The following MARCHF6 variants were observed in gnomAD, a reference collection of about 807,000 sequenced individuals.
MARCHF6 encodes the protein membrane associated ring-CH-type finger 6, also known as E3 ubiquitin-protein ligase MARCHF6.
Under a neutral mutation model 133.7 loss-of-function variants are expected in MARCHF6, and 31 were observed. The observed-to-expected ratio is 0.23, with a 90% CI of 0.17 to 0.31. The LOEUF (loss-of-function observed/expected upper bound fraction) is 0.31. MARCHF6 is among the 10% of genes least tolerant of loss of function. The probability of loss-of-function intolerance (pLI) is 1.00; values close to 1 mark genes in which losing one functional copy is unlikely to be tolerated. For missense variants in MARCHF6, 723 were observed against 1,121.6 expected (o/e 0.64, Z 5.08); for synonymous variants, 395 against 402.5 (o/e 0.98, Z 0.22).
intron 19 of MARCHF6, among the ~76,000 whole-genome samples, chr5:10,412,572 A>G (rs543797610): frequency 6.6e-6 from 1 of 151,920 alleles, no homozygotes; most frequent in South Asian, 2.1e-4. Flanking sequence ...CAGATAAGAG[A>G]GTTGTGTTGT....
At chr5:10,415,344 T>C (rs1235635480) in intron 20 of MARCHF6, 144 bp from the exon 21 acceptor site, 1 of 743,194 alleles carries the variant, frequency 1.3e-6, no homozygotes, top group East Asian at 2.6e-5. Context: ...ATTGTGATTT[T>C]TGTCTTTTGT....
intron 1 of MARCHF6, among the ~76,000 whole-genome samples, chr5:10,360,144 G>GTTTTTT (rs1164778520): frequency 6.7e-5 from 5 of 75,116 alleles, no homozygotes; most frequent in Admixed American, 1.8e-4. Flanking sequence ...ATGTGTGTGT[G>GTTTTTT]TTTTTTTTTT....
At chr5:10,402,645 T>C (rs763483461) in intron 14 of MARCHF6, 38 bp downstream of exon 14, 14 of 1,503,040 alleles carry the variant, frequency 9.3e-6, no homozygotes, top group Admixed American at 6.8e-5. Context: ...TAGCATAATT[T>C]AAGGGCTTCA....
chr5:10,389,710 A>G (rs1298215319), intron 5 of MARCHF6, among the ~76,000 whole-genome samples: 1 of 152,180 alleles, frequency 6.6e-6, no homozygotes. Flanking sequence ...CCAAGTGACA[A>G]ACTTCTATAA....
At chr5:10,426,260 C>A (rs1021935627) in intron 23 of MARCHF6, 130 bp from the exon 24 acceptor site, 2 of 1,048,840 alleles carry the variant, frequency 1.9e-6, no homozygotes, top group Non-Finnish European at 2.8e-6. Flanking sequence ...CAGAATTTGC[C>A]TTGACTTTAG....
rs77353977 is a variant in MARCHF6 at position 10,433,884 on chromosome 5, T to A, written c.*200T>A. 1.0e-2 allele frequency: 5,713 copies of A among 572,640 alleles called. 46 individuals carry two copies. The highest frequency in any genetic ancestry group is 0.012 in the Non-Finnish European group (3,796 of 317,958). 35.5% of individuals were successfully genotyped at this position (572,640 alleles called of 1,614,324 possible). A position where few individuals can be genotyped will look rare whatever the true frequency, so the allele number is the denominator to read the frequency against. Reference sequence around the variant, plus strand: ...TTCTGACATTACTGCTGTCTGAGATTTGTATATGTGTAAATACAAGTTCCT... The same window carrying A: ...TTCTGACATTACTGCTGTCTGAGATATGTATATGTGTAAATACAAGTTCCT... On this transcript the variant is annotated 3_prime_UTR_variant, in exon 26 of 26. Coordinates refer to ENST00000274140, the MANE Select transcript of MARCHF6 (RefSeq NM_005885.4).
chr5:10,411,554 C>G lies in MARCHF6; in HGVS notation c.1896+17C>G, dbSNP rs568429722. On this transcript the variant is annotated intron_variant, in intron 19 of 25. Transcript: ENST00000274140. ...CCACTCAGGGTAGGTGCTATACAGA[C>G]TTAATCACATATAGAGGTTTTTTTG... The G allele has an allele frequency of 1.3e-6, 2 of 1,586,920 alleles. No homozygotes were observed. Among genetic ancestry groups the G allele is most frequent in the East Asian group, 2.2e-5 (1 of 44,630 alleles).
chr5:10,353,970 A>G, intron 1 of MARCHF6, 53 bp downstream of exon 1: 1 of 1,517,098 alleles, frequency 6.6e-7, no homozygotes, highest in East Asian at 2.6e-5. Flanking sequence ...CCGGGTTCGT[A>G]CCCCGGCCAG....
chr5:10,373,966 T>C lies in MARCHF6; in HGVS notation c.20-3832T>C, dbSNP rs568317044. Among the ~76,000 whole-genome samples, 4 of 152,166 alleles carry C rather than the reference T, an allele frequency of 2.6e-5. No homozygotes were observed. In the South Asian group the frequency reaches 8.3e-4, roughly 32 times the overall value. On this transcript the variant is annotated intron_variant, in intron 1 of 25. Coordinates refer to ENST00000274140, the MANE Select transcript of MARCHF6 (RefSeq NM_005885.4). ...CTCTGGTGATTCTAGGTAACCTAGA[T>C]CAATCACATTTTCTCCCCACCCCCA... is the stretch of plus-strand genomic sequence containing the variant.
intron 1 of MARCHF6, among the ~76,000 whole-genome samples, chr5:10,371,777 G>A (rs1294957174): frequency 6.6e-6 from 1 of 151,964 alleles, no homozygotes; most frequent in Non-Finnish European, 1.5e-5. Context: ...TTTTCTTTGA[G>A]GCAGTGGCTG....
At chr5:10,358,743 A>G (rs1276284432) in intron 1 of MARCHF6, among the ~76,000 whole-genome samples, 1 of 152,198 alleles carries the variant, frequency 6.6e-6, no homozygotes, top group East Asian at 1.9e-4. Flanking sequence ...GTAGTCTAGA[A>G]ATAGTGAGAA....
At chr5:10,408,659 G>A (rs985128913) in intron 17 of MARCHF6, among the ~76,000 whole-genome samples, 5 of 152,184 alleles carry the variant, frequency 3.3e-5, no homozygotes, top group Middle Eastern at 3.4e-3. Flanking sequence ...CCACTTCAGC[G>A]TCCCGGGTAG....
At chr5:10,428,488 T>TGA (rs1305823923) in intron 24 of MARCHF6, among the ~76,000 whole-genome samples, 3 of 151,938 alleles carry the variant, frequency 2.0e-5, no homozygotes, top group Admixed American at 2.0e-4. Context: ...ACTACTGGCA[T>TGA]GCGCCACCAT....
At position 10,400,842 on chromosome 5, in the gene MARCHF6, C is replaced by T. The variant is rs972290037; in HGVS notation, c.972C>T (p.His324=). 11 of 1,602,670 alleles carry T rather than the reference C, an allele frequency of 6.9e-6. No individual in the cohort carries two copies. Among genetic ancestry groups the T allele is most frequent in the African/African-American group, 2.7e-5 (2 of 74,594 alleles). The change falls in exon 11 of 26, where the codon CAC becomes CAT. Residue 324 remains histidine (H), a splice_region_variant and synonymous_variant. Transcript: ENST00000274140. ...TTGTTGGTTTGGGATTTGAAGAACA[C>T]GTGAGTATAATACTTTTACAAAGTT... is the stretch of plus-strand genomic sequence containing the variant. ...FSLVGLGFEE[H]VQASHFEGLI... is the part of the protein sequence containing the mutation.
intron 15 of MARCHF6, among the ~76,000 whole-genome samples, chr5:10,404,164 T>C (rs1738730622): frequency 6.6e-6 from 1 of 151,888 alleles, no homozygotes; most frequent in Admixed American, 6.6e-5. Flanking sequence ...ACCTCCCAAG[T>C]TCAAGTGATT....
At chr5:10,396,848 A>G (rs573163146) in intron 9 of MARCHF6, among the ~76,000 whole-genome samples, 11 of 152,322 alleles carry the variant, frequency 7.2e-5, no homozygotes, top group African/African-American at 1.7e-4. Flanking sequence ...TAGCCAGGCA[A>G]TAGTGACCTT....
intron 15 of MARCHF6, 95 bp downstream of exon 15, chr5:10,403,636 C>T: frequency 8.9e-7 from 1 of 1,127,274 alleles, no homozygotes; most frequent in Non-Finnish European, 1.2e-6. Context: ...TGATTTCCTA[C>T]CTAAATCATA....
rs562495070 is a variant in MARCHF6 at position 10,407,910 on chromosome 5, C to A, written c.1553+708C>A. Among the ~76,000 whole-genome samples, 187 of 150,632 alleles carry A rather than the reference C, an allele frequency of 1.2e-3. 1 individual carries two copies. The highest frequency in any genetic ancestry group is 4.3e-3 in the African/African-American group (177 of 40,752). ...GGCAGAGGTTGCGGTGAGCCGAGAT[C>A]GTGCCATTGCACTCCCACTTGGGCA... On this transcript the variant is annotated intron_variant, in intron 17 of 25. Coordinates refer to ENST00000274140, the MANE Select transcript of MARCHF6 (RefSeq NM_005885.4).
Position 10,438,953 on chromosome 5 carries a change from ATTGT to A in MARCHF6, c.*5272_*5275del, listed in dbSNP as rs1458274014. ...GAGGCCCCTTTTTGCCTCATTTTAC[ATTGT>A]TTAGTTATCATTTTGAAACTTTTCT... On this transcript the variant is annotated 3_prime_UTR_variant, in exon 26 of 26. Transcript: ENST00000274140. 5.3e-5 allele frequency: 8 copies of A among 152,164 alleles called. No individual in the cohort carries two copies. The highest frequency in any genetic ancestry group is 1.9e-4 in the African/African-American group (8 of 41,428). The allele number at this position is 152,164 out of a possible 1,614,324, so 9.4% of individuals were successfully genotyped here.
Sources: allele counts gnomAD v4.1 joint callset (sites outside exome capture counted in the v4.1 genomes callset), GRCh38; gene constraint gnomAD v4.1.1; transcripts MANE v1.5; gene names NCBI Gene and HGNC (gene_info 2026-07-23, HGNC 2026-07-21).